Variants in RIPOR2 observed in about 807,000 individuals in gnomAD.
RIPOR2 encodes rho family-interacting cell polarization regulator 2.
Under a neutral mutation model 114.5 loss-of-function variants are expected in RIPOR2, and 39 were observed. The observed-to-expected ratio is 0.34, with a 90% CI of 0.26 to 0.44. The LOEUF (loss-of-function observed/expected upper bound fraction) is 0.44, where lower values mean the gene tolerates loss of function less well. Among genes scored for constraint, RIPOR2 ranks in the 20% least tolerant of loss-of-function variants. The pLI is 1.00. For synonymous variants in RIPOR2, 445 were observed against 484.4 expected, an observed-to-expected ratio of 0.92 and a Z score of 1.07; for missense variants, 1,007 against 1,255.1, an observed-to-expected ratio of 0.80 and a Z score of 2.99.
chr6:24,925,284 A>G (rs1770780073), intron 1 of RIPOR2, among the ~76,000 whole-genome samples: 1 of 152,066 alleles, frequency 6.6e-6, no homozygotes, highest in Admixed American at 6.6e-5. Flanking sequence ...TATTAGGAAG[A>G]CTCACGGGGC....
intron 1 of RIPOR2, among the ~76,000 whole-genome samples, chr6:25,000,642 TC>T (rs764875629): frequency 1.3e-5 from 2 of 151,970 alleles, no homozygotes; most frequent in African/African-American, 2.4e-5. Context: ...TACTGCTTTT[TC>T]CTTTTTTTTT....
At chr6:25,031,729 A>G (rs1379833038) in intron 1 of RIPOR2, among the ~76,000 whole-genome samples, 27 of 109,502 alleles carry the variant, frequency 2.5e-4, no homozygotes, top group Non-Finnish European at 3.7e-4. Context: ...ATATATATAT[A>G]TATATATATA....
upstream of RIPOR2, among the ~76,000 whole-genome samples, chr6:24,938,360 C>T (rs1182885614): frequency 6.6e-6 from 1 of 152,194 alleles, no homozygotes; most frequent in Non-Finnish European, 1.5e-5. Context: ...CTCAGAAGAA[C>T]CAATCCTGCC....
intron 1 of RIPOR2, among the ~76,000 whole-genome samples, chr6:25,038,344 G>T (rs1777338858): frequency 6.6e-6 from 1 of 152,056 alleles, no homozygotes; most frequent in South Asian, 2.1e-4. Context: ...AATATGATGA[G>T]ATTTTACTTC....
chr6:24,979,283 C>CTTTTTT (rs60372040), intron 1 of RIPOR2, among the ~76,000 whole-genome samples: 7 of 99,458 alleles, frequency 7.0e-5, no homozygotes, highest in Non-Finnish European at 1.0e-4. Flanking sequence ...TAGGGAAATT[C>CTTTTTT]TTTTTTTTTT....
At chr6:24,982,765 G>C (rs1378434889) in intron 1 of RIPOR2, among the ~76,000 whole-genome samples, 2 of 152,162 alleles carry the variant, frequency 1.3e-5, no homozygotes, top group African/African-American at 2.4e-5. Flanking sequence ...AAGAAAAATA[G>C]CTCAGAGCAG....
At chr6:24,828,409 G>A in intron 17 of RIPOR2, 114 bp from the exon 18 acceptor site, 1 of 991,988 alleles carries the variant, frequency 1.0e-6, no homozygotes, top group South Asian at 2.3e-5. Flanking sequence ...TCACTTTGTT[G>A]CCCAGGTTGG....
intron 1 of RIPOR2, among the ~76,000 whole-genome samples, chr6:25,001,067 T>C (rs984976355): frequency 6.6e-6 from 1 of 152,192 alleles, no homozygotes; most frequent in Non-Finnish European, 1.5e-5. Context: ...CTGGTGCATG[T>C]GCACACACAT....
chr6:25,023,284 T>C (rs1776420804), intron 1 of RIPOR2: 4 of 758,940 alleles, frequency 5.3e-6, no homozygotes, highest in Admixed American at 1.7e-5. Flanking sequence ...GACGATGATA[T>C]TCCTATTCCT....
At chr6:24,982,842 C>T (rs906773610) in intron 1 of RIPOR2, among the ~76,000 whole-genome samples, 3 of 152,264 alleles carry the variant, frequency 2.0e-5, no homozygotes, top group East Asian at 1.9e-4. Flanking sequence ...ATTTCAGTTA[C>T]ACTGGGAACC....
intron 1 of RIPOR2, among the ~76,000 whole-genome samples, chr6:25,024,819 C>T (rs9379707): frequency 0.21 from 31,954 of 152,120 alleles, 4,135 homozygotes; most frequent in East Asian, 0.59. Flanking sequence ...CTAGATTTTG[C>T]CAATGCTTTG....
At chr6:24,877,186 C>T (rs1765871998) in intron 1 of RIPOR2, 9 of 985,424 alleles carry the variant, frequency 9.1e-6, no homozygotes, top group South Asian at 9.4e-5. Flanking sequence ...TTTCACTAGA[C>T]CTTCCTCAAA....
At chr6:25,009,646 G>A (rs1775698762) in intron 1 of RIPOR2, among the ~76,000 whole-genome samples, 1 of 152,134 alleles carries the variant, frequency 6.6e-6, no homozygotes, top group African/African-American at 2.4e-5. Context: ...TATGTATGGT[G>A]GCCTTTCCCG....
chr6:24,949,344 C>T (rs1052252096), intron 1 of RIPOR2, among the ~76,000 whole-genome samples: 25 of 152,176 alleles, frequency 1.6e-4, no homozygotes, highest in African/African-American at 5.8e-4. Flanking sequence ...GAAAGTATCA[C>T]GAGGTTGAAG....
At chr6:24,922,849 G>A (rs1435103958) in intron 1 of RIPOR2, among the ~76,000 whole-genome samples, 2 of 118,186 alleles carry the variant, frequency 1.7e-5, no homozygotes, top group African/African-American at 7.0e-5. Flanking sequence ...CAACAGAACA[G>A]GACAGTCTCA....
chr6:24,952,384 T>C (rs1446801686), intron 1 of RIPOR2, among the ~76,000 whole-genome samples: 2 of 152,198 alleles, frequency 1.3e-5, no homozygotes, highest in Non-Finnish European at 1.5e-5. Flanking sequence ...CTGCGAGTAG[T>C]ATGCTGGTAA....
chr6:24,875,698 G>A lies in RIPOR2; in HGVS notation c.181C>T (p.Arg61Ter). 2 of 1,612,678 alleles carry A rather than the reference G, an allele frequency of 1.2e-6. No homozygotes were observed. Among genetic ancestry groups the A allele is most frequent in the Non-Finnish European group, 1.7e-6 (2 of 1,179,448 alleles). The change falls in exon 2 of 22, where the codon CGA becomes TGA. Residue 61 changes from arginine to a stop codon, truncating the protein, a stop_gained. Coordinates refer to ENST00000643898, the MANE Select transcript of RIPOR2 (RefSeq NM_001286445.3). LOFTEE classifies it high-confidence loss of function. ...GAACCACACAGTACTTGCCTGGATC[G>A]CCTTTCCTGGAGGCCGCTGAAACCC... ...FAGFSGLQER[R>*]SRCNSFIENS...
intron 1 of RIPOR2, among the ~76,000 whole-genome samples, chr6:24,977,907 T>A (rs1774137759): frequency 6.6e-6 from 1 of 152,170 alleles, no homozygotes; most frequent in African/African-American, 2.4e-5. Flanking sequence ...GTGGCCAGCC[T>A]GAATGTCAGT....
chr6:24,885,262 T>C (rs889358397), intron 1 of RIPOR2, among the ~76,000 whole-genome samples: 3 of 152,182 alleles, frequency 2.0e-5, no homozygotes, highest in Non-Finnish European at 4.4e-5. Context: ...TTGCCTAGGC[T>C]GGAGGGATGG....
Sources: gnomAD v4.1 joint callset for allele counts (sites outside exome capture counted in the v4.1 genomes callset) on GRCh38, gnomAD v4.1.1 for gene constraint, MANE v1.5 for transcripts, NCBI Gene and HGNC (gene_info 2026-07-23, HGNC 2026-07-21) for gene names.